The following CEP192 variants were observed in gnomAD, a reference collection of about 807,000 sequenced individuals.
The protein encoded by CEP192 is centrosomal protein of 192 kDa.
In CEP192, 151 loss-of-function variants were observed where a neutral mutation model predicts 271.8. The ratio of observed to expected loss-of-function variants is 0.56; its 90% confidence interval spans 0.49 to 0.64. The LOEUF (loss-of-function observed/expected upper bound fraction) is 0.64. Ranked by LOEUF, CEP192 falls within the 30% of genes least tolerant of loss-of-function variation. The pLI is 0.00. For synonymous variants in CEP192, 995 were observed against 1,076.5 expected (o/e 0.92, Z 1.48); for missense variants, 2,910 against 3,020.5 (o/e 0.96, Z 0.86).
intron 5 of CEP192, 112 bp downstream of exon 5, chr18:13,013,137 G>A: frequency 1.8e-6 from 1 of 559,394 alleles, no homozygotes; most frequent in Non-Finnish European, 3.2e-6. Flanking sequence ...CTTTTTTCTA[G>A]TAGAGCTCTA....
At chr18:13,123,069 T>C (rs1427667178) in intron 44 of CEP192, among the ~76,000 whole-genome samples, 1 of 152,216 alleles carries the variant, frequency 6.6e-6, no homozygotes, top group Non-Finnish European at 1.5e-5. Context: ...AACAATTCTA[T>C]ATTCTGTGAT....
intron 9 of CEP192, among the ~76,000 whole-genome samples, chr18:13,028,049 C>G (rs376948303): frequency 6.6e-6 from 1 of 152,192 alleles, no homozygotes; most frequent in African/African-American, 2.4e-5. Flanking sequence ...AAGGTGTTAG[C>G]AGGGTGATTC....
intron 40 of CEP192, among the ~76,000 whole-genome samples, chr18:13,109,547 G>A (rs2040114007): frequency 2.0e-5 from 3 of 151,896 alleles, no homozygotes; most frequent in Non-Finnish European, 4.4e-5. Flanking sequence ...AGTTGAAAAA[G>A]GAAAACGGAA....
chr18:13,071,724 G>T (rs910712044), intron 28 of CEP192, among the ~76,000 whole-genome samples: 1 of 151,074 alleles, frequency 6.6e-6, no homozygotes, highest in African/African-American at 2.4e-5. Context: ...GTTTGTTGTT[G>T]TTTTTTTTTG....
intron 21 of CEP192, among the ~76,000 whole-genome samples, chr18:13,066,958 C>T (rs1043040870): frequency 5.1e-5 from 6 of 116,630 alleles, no homozygotes; most frequent in African/African-American, 2.5e-4. Flanking sequence ...AAAATGTGAG[C>T]ACGTCTGTGT....
chr18:13,059,136 C>T lies in CEP192; in HGVS notation c.4312C>T (p.Pro1438Ser). 6.2e-7 allele frequency: 1 copy of T among 1,613,962 alleles called. No individual in the cohort carries two copies. The highest frequency in any genetic ancestry group is 8.5e-7 in the Non-Finnish European group (1 of 1,179,912). The change falls in exon 21 of 45, where the codon CCT becomes TCT. Residue 1438 changes from proline to serine, a missense_variant. Physicochemically the swap from Pro to Ser is moderately conservative, Grantham distance 74. Coordinates refer to ENST00000506447, the MANE Select transcript of CEP192 (RefSeq NM_032142.4). ...TTTCAAGAATAAAGCCATCATAAGA[C>T]CTCATGCCACAGAAGAGATAAAAGT... ...LVFKNKAIIR[P>S]HATEEIKVLF...
chr18:13,120,944 T>C (rs1356535054), intron 44 of CEP192, among the ~76,000 whole-genome samples: 1 of 152,212 alleles, frequency 6.6e-6, no homozygotes, highest in Non-Finnish European at 1.5e-5. Context: ...AAACACTGGC[T>C]CCTTTGTAAC....
intron 20 of CEP192, 77 bp from the exon 21 acceptor site, chr18:13,059,005 G>T: frequency 1.1e-6 from 1 of 904,772 alleles, no homozygotes; most frequent in African/African-American, 1.7e-5. Context: ...TTGGGAAAAG[G>T]AATCTTAAAC....
chr18:13,009,021 T>TC (rs1193659093), intron 4 of CEP192, among the ~76,000 whole-genome samples: 1 of 150,818 alleles, frequency 6.6e-6, no homozygotes, highest in East Asian at 1.9e-4. Flanking sequence ...TTTGTTTTTT[T>TC]TTTTTTTTTT....
In CEP192 at chr18:13,056,272, A is replaced by T. The variant is rs758019949; in HGVS notation, c.3682A>T (p.Ile1228Phe). 1.7e-5 allele frequency: 27 copies of T among 1,613,848 alleles called. No individual in the cohort carries two copies. Among genetic ancestry groups the T allele is most frequent in the South Asian group, 2.2e-5 (2 of 91,052 alleles). Reference protein sequence around the residue: ...QTTSENQCTPIPSSTVHSSVA... With the variant: ...QTTSENQCTPFPSSTVHSSVA... The stretch of plus-strand genomic sequence containing the variant: ...CACCTCTGAAAACCAGTGTACTCCT[A>T]TTCCCAGCAGCACAGTTCACAGCTC... Residue 1228 changes from isoleucine to phenylalanine, a missense_variant, in exon 19 of 45, where the codon ATT (isoleucine) becomes TTT (phenylalanine). By Grantham distance (21) the Ile-to-Phe change is conservative (BLOSUM62 0). Coordinates refer to ENST00000506447, the MANE Select transcript of CEP192 (RefSeq NM_032142.4).
Position 13,048,868 on chromosome 18 carries a change from T to C in CEP192, c.2077T>C (p.Phe693Leu). The C allele has an allele frequency of 6.3e-7, 1 of 1,595,322 alleles. No individual in the cohort carries two copies. Among genetic ancestry groups the C allele is most frequent in the Non-Finnish European group, 8.6e-7 (1 of 1,169,212 alleles). Reference sequence around the variant, plus strand: ...ATTTTCTCACTTCTAGGACACTTTCTTCATGAGCAACAAACCCCAAAGATA... The same window carrying C: ...ATTTTCTCACTTCTAGGACACTTTCCTCATGAGCAACAAACCCCAAAGATA... ...ADKGKTEDTF[F>L]MSNKPQRYKD... Residue 693 changes from phenylalanine (F) to leucine (L), a missense_variant, in exon 16 of 45, where the codon TTC becomes CTC. Phe to Leu is a conservative substitution (Grantham distance 22). Coordinates refer to ENST00000506447, the MANE Select transcript of CEP192 (RefSeq NM_032142.4).
intron 8 of CEP192, 120 bp downstream of exon 8, chr18:13,018,735 C>T (rs2034810486): frequency 2.9e-6 from 2 of 690,572 alleles, no homozygotes; most frequent in South Asian, 5.7e-5. Flanking sequence ...TCCCTCAGGT[C>T]TTTAGACAGT....
intron 4 of CEP192, among the ~76,000 whole-genome samples, chr18:13,011,495 A>G (rs2034357810): frequency 6.7e-6 from 1 of 148,698 alleles, no homozygotes; most frequent in South Asian, 2.1e-4. Flanking sequence ...AAAGGAAACC[A>G]TATGTCCACA....
chr18:13,089,829 C>T (rs937267028), intron 33 of CEP192, among the ~76,000 whole-genome samples: 9 of 152,192 alleles, frequency 5.9e-5, no homozygotes, highest in African/African-American at 1.9e-4. Flanking sequence ...GATGAAAGAG[C>T]TTTGCTGCTG....
chr18:13,031,304 G>C (rs1429649886), intron 11 of CEP192, among the ~76,000 whole-genome samples: 1 of 141,718 alleles, frequency 7.1e-6, no homozygotes, highest in Non-Finnish European at 1.5e-5. Context: ...CTGGAGTGCA[G>C]TGGCGGGATC....
At chr18:13,064,476 G>T (rs2037579601) in intron 21 of CEP192, among the ~76,000 whole-genome samples, 1 of 152,026 alleles carries the variant, frequency 6.6e-6, no homozygotes, top group Non-Finnish European at 1.5e-5. Flanking sequence ...GCCAGGCGTG[G>T]TGGCGGGCAC....
chr18:13,099,392 C>G (rs1225683796), intron 36 of CEP192, 84 bp from the exon 37 acceptor site: 4 of 685,200 alleles, frequency 5.8e-6, no homozygotes, highest in Non-Finnish European at 9.8e-6. Flanking sequence ...TGGCCATTGG[C>G]TGGTAGACAG....
chr18:13,103,863 G>GT (rs1486416962), intron 39 of CEP192: 62 of 509,628 alleles, frequency 1.2e-4, no homozygotes, highest in Non-Finnish European at 2.2e-4. Flanking sequence ...CTAACTTTTT[G>GT]TTTTTTTGTA....
intron 19 of CEP192, among the ~76,000 whole-genome samples, chr18:13,057,066 G>A (rs543357516): frequency 7.2e-5 from 11 of 152,146 alleles, no homozygotes; most frequent in Non-Finnish European, 1.0e-4. Context: ...CAGCACTCTC[G>A]GGTGCATTTG....
Sources: allele counts gnomAD v4.1 joint callset (sites outside exome capture counted in the v4.1 genomes callset), GRCh38; gene constraint gnomAD v4.1.1; transcripts MANE v1.5; gene names NCBI Gene and HGNC (gene_info 2026-07-23, HGNC 2026-07-21).